Variants in TRPM6 observed in about 807,000 individuals in gnomAD.
The protein encoded by TRPM6 is transient receptor potential cation channel subfamily M member 6.
TRPM6 carries 111 observed loss-of-function variants against 247.6 expected under a neutral mutation model. That is an observed-to-expected ratio of 0.45 (90% confidence interval 0.38 to 0.52). The LOEUF is 0.52. TRPM6 is among the 20% of genes least tolerant of loss of function. The pLI, the probability that TRPM6 is intolerant of heterozygous loss-of-function variation, is 0.00. For missense variants in TRPM6, 2,126 were observed against 2,421.5 expected (o/e 0.88, Z 2.56); for synonymous variants, 892 against 853.8 (o/e 1.04, Z -0.78).
intron 17 of TRPM6, 25 bp downstream of exon 17, chr9:74,800,229 C>T: frequency 1.3e-6 from 2 of 1,597,808 alleles, no homozygotes; most frequent in South Asian, 2.2e-5. Flanking sequence ...CATTAAACTC[C>T]ATAAGACAAG....
chr9:74,807,494 A>T (rs201735999), intron 14 of TRPM6, among the ~76,000 whole-genome samples: 2 of 152,094 alleles, frequency 1.3e-5, no homozygotes, highest in East Asian at 3.9e-4. Context: ...CTAACCAACA[A>T]CTCTAATTTT....
At chr9:74,757,196 CA>C (rs144813308) in intron 27 of TRPM6, among the ~76,000 whole-genome samples, 1 of 150,020 alleles carries the variant, frequency 6.7e-6, no homozygotes, top group Non-Finnish European at 1.5e-5. Context: ...AACTAACTAA[CA>C]AAAAAAAACC....
At chr9:74,874,035 A>T (rs1021304256) in intron 1 of TRPM6, among the ~76,000 whole-genome samples, 2 of 152,116 alleles carry the variant, frequency 1.3e-5, no homozygotes, top group Non-Finnish European at 2.9e-5. Context: ...CAGGGGTTCA[A>T]GACCAGCCTG....
chr9:74,815,326 T>A (rs1355441706), intron 11 of TRPM6, among the ~76,000 whole-genome samples: 1 of 152,172 alleles, frequency 6.6e-6, no homozygotes, highest in African/African-American at 2.4e-5. Flanking sequence ...TACTTCTCAA[T>A]AGAAATTCTG....
chr9:74,803,894 A>C lies in TRPM6; in HGVS notation c.1639-8T>G, dbSNP rs769591328. The C allele has an allele frequency of 3.1e-6, 5 of 1,598,110 alleles. No individual in the cohort carries two copies. In the Admixed American group the frequency reaches 8.3e-5, roughly 27 times the overall value. ...TGAGGAGTGTCTCTGGTGCTGGGAA[A>C]GGTTTTGAACAAAGCTGGTCACTCT... is the stretch of plus-strand genomic sequence containing the variant. On this transcript the variant is annotated splice_polypyrimidine_tract_variant and splice_region_variant and intron_variant, in intron 14 of 38. Transcript: ENST00000360774.
chr9:74,785,688 A>G (rs1042949197), intron 21 of TRPM6, among the ~76,000 whole-genome samples, 186 bp downstream of exon 21: 1 of 151,998 alleles, frequency 6.6e-6, no homozygotes, highest in Admixed American at 6.6e-5. Context: ...ATGCCCGGCT[A>G]ATTTTTTTGT....
chr9:74,788,269 A>G (rs551716281), intron 20 of TRPM6, among the ~76,000 whole-genome samples: 1 of 152,356 alleles, frequency 6.6e-6, no homozygotes, highest in African/African-American at 2.4e-5. Context: ...AACAAAAACA[A>G]ACAAACAAAA....
chr9:74,822,105 T>C (rs774545640), intron 7 of TRPM6, among the ~76,000 whole-genome samples: 1 of 152,212 alleles, frequency 6.6e-6, no homozygotes, highest in Admixed American at 6.5e-5. Context: ...AAATAAGTAT[T>C]GCTTAAGAAA....
At chr9:74,868,738 G>T (rs1376013823) in intron 1 of TRPM6, among the ~76,000 whole-genome samples, 2 of 152,162 alleles carry the variant, frequency 1.3e-5, no homozygotes, top group Non-Finnish European at 2.9e-5. Context: ...AGGTGGCGAG[G>T]GTGTCCATGG....
chr9:74,791,171 G>A (rs759480327), intron 19 of TRPM6, among the ~76,000 whole-genome samples: 24 of 152,200 alleles, frequency 1.6e-4, no homozygotes, highest in Non-Finnish European at 2.9e-4. Context: ...CAGCACTCCT[G>A]TCAGAGTCTT....
chr9:74,762,214 C>T lies in TRPM6; in HGVS notation c.4457G>A (p.Arg1486Gln), dbSNP rs775479626. The T allele has an allele frequency of 1.1e-5, 17 of 1,614,158 alleles. No individual in the cohort carries two copies. The highest frequency in any genetic ancestry group is 1.6e-4 in the Middle Eastern group (1 of 6,062). ...GGCCTGCTTCTGGTGCTGTTCACTC[C>T]GAGAGGAATCACTGTCACAAGTGGA... ...LPSTCDSDSSRSEQHQKQAQD... is the reference protein window; with the variant it reads ...LPSTCDSDSSQSEQHQKQAQD... The change falls in exon 26 of 39, where the codon CGG becomes CAG. Residue 1486 changes from arginine to glutamine, a missense_variant. By Grantham distance (43) the Arg-to-Gln change is conservative. Transcript: ENST00000360774.
At chr9:74,863,899 TA>T (rs1554732257) in intron 1 of TRPM6, among the ~76,000 whole-genome samples, 2 of 150,656 alleles carry the variant, frequency 1.3e-5, no homozygotes, top group Non-Finnish European at 1.5e-5. Context: ...TTTTTTTTTT[TA>T]AAAAAACATC....
chr9:74,785,841 G>A, intron 21 of TRPM6, 33 bp downstream of exon 21: 1 of 1,613,450 alleles, frequency 6.2e-7, no homozygotes. Flanking sequence ...TTTTAAAAAA[G>A]AATACCAGGA....
intron 11 of TRPM6, among the ~76,000 whole-genome samples, chr9:74,814,989 A>G (rs1313913432): frequency 6.6e-6 from 1 of 152,116 alleles, no homozygotes; most frequent in Non-Finnish European, 1.5e-5. Context: ...AAATTAAAAT[A>G]AAAAAATAAA....
intron 17 of TRPM6, chr9:74,799,907 G>C (rs1413956181): frequency 6.0e-6 from 2 of 334,822 alleles, no homozygotes; most frequent in African/African-American, 2.1e-5. Flanking sequence ...ATGTGAGGGC[G>C]ATCTGGCTGT....
At chr9:74,763,596 A>G (rs1029981329) in intron 25 of TRPM6, among the ~76,000 whole-genome samples, 5 of 152,150 alleles carry the variant, frequency 3.3e-5, no homozygotes, top group East Asian at 1.9e-4. Flanking sequence ...ATAATCAAAT[A>G]TGTAATTAAG....
chr9:74,751,994 C>T (rs1044057501), intron 29 of TRPM6, among the ~76,000 whole-genome samples: 10 of 152,254 alleles, frequency 6.6e-5, no homozygotes, highest in Middle Eastern at 3.4e-3. Flanking sequence ...AAAACAGTTT[C>T]GAAAACTCCT....
At chr9:74,852,721 G>A (rs1319116158) in intron 3 of TRPM6, among the ~76,000 whole-genome samples, 2 of 152,224 alleles carry the variant, frequency 1.3e-5, no homozygotes, top group African/African-American at 2.4e-5. Flanking sequence ...TCCAGCTCCT[G>A]ACCGCGAGTG....
At chr9:74,749,242 A>G (rs1826157497) in intron 30 of TRPM6, among the ~76,000 whole-genome samples, 1 of 152,190 alleles carries the variant, frequency 6.6e-6, no homozygotes, top group Non-Finnish European at 1.5e-5. Context: ...GCATGACTGT[A>G]TATATATTTG....
Sources: gnomAD v4.1 joint callset for allele counts (sites outside exome capture counted in the v4.1 genomes callset) on GRCh38, gnomAD v4.1.1 for gene constraint, MANE v1.5 for transcripts, NCBI Gene and HGNC (gene_info 2026-07-23, HGNC 2026-07-21) for gene names.